Variants in BIN1 observed in about 807,000 individuals in gnomAD.
The protein encoded by BIN1 is bridging integrator 1, also known as myc box-dependent-interacting protein 1.
A neutral mutation model predicts 82.0 loss-of-function variants in BIN1; 53 were observed. The ratio of observed to expected loss-of-function variants is 0.65; its 90% CI spans 0.52 to 0.81. The LOEUF (loss-of-function observed/expected upper bound fraction) is 0.81. BIN1 is among the 40% of genes least tolerant of loss of function. BIN1 has a pLI of 0.00. For synonymous variants in BIN1, 302 were observed against 328.0 expected (o/e 0.92, Z 0.86); for missense variants, 642 against 784.4 (o/e 0.82, Z 2.17).
rs893107662 is a variant in BIN1 at position 127,086,814 on chromosome 2, G to A, written c.85-10108C>T. Among the ~76,000 whole-genome samples the A allele has an allele frequency of 4.0e-5, 6 of 149,254 alleles. No homozygotes were observed. The South Asian group carries it at 6.5e-4, about 16-fold the overall frequency. On this transcript the variant is annotated intron_variant, in intron 1 of 18. Coordinates refer to ENST00000316724, the MANE Select transcript of BIN1 (RefSeq NM_139343.3). ...AGCCACCGCGTCCAGACAGTGATCCGTCTTTTTAACAAGTCCATGACCCCC... is the reference window on the plus strand; with the variant it reads ...AGCCACCGCGTCCAGACAGTGATCCATCTTTTTAACAAGTCCATGACCCCC...
At chr2:127,081,170 C>A (rs535084620) in intron 1 of BIN1, among the ~76,000 whole-genome samples, 1 of 152,212 alleles carries the variant, frequency 6.6e-6, no homozygotes, top group Non-Finnish European at 1.5e-5. Context: ...GCACGGCCAC[C>A]GAACCCAGAA....
intron 15 of BIN1, 95 bp from the exon 16 acceptor site, chr2:127,051,338 G>T: frequency 7.9e-7 from 1 of 1,271,246 alleles, no homozygotes. Context: ...CAAGCGACAG[G>T]GCCGGGGGCA....
At chr2:127,073,088 C>A (rs968567930) in intron 2 of BIN1, among the ~76,000 whole-genome samples, 1 of 152,208 alleles carries the variant, frequency 6.6e-6, no homozygotes, top group Non-Finnish European at 1.5e-5. Context: ...TCAGGCCGTA[C>A]CAGGGCTCCT....
intron 1 of BIN1, among the ~76,000 whole-genome samples, chr2:127,105,136 GC>G (rs1416817177): frequency 2.6e-5 from 4 of 152,174 alleles, no homozygotes; most frequent in Admixed American, 2.6e-4. Context: ...CTTGCCTACT[GC>G]CCCGAGAATG....
chr2:127,079,062 G>A (rs2105168277), intron 1 of BIN1, among the ~76,000 whole-genome samples: 1 of 152,316 alleles, frequency 6.6e-6, no homozygotes, highest in African/African-American at 2.4e-5. Context: ...GCCAGCAAAA[G>A]GTCCCCAGTC....
intron 1 of BIN1, among the ~76,000 whole-genome samples, chr2:127,099,252 G>A (rs563803494): frequency 6.6e-6 from 1 of 152,280 alleles, no homozygotes; most frequent in East Asian, 1.9e-4. Flanking sequence ...ATGCCTTGGT[G>A]ACCACAGGGA....
At chr2:127,106,767 G>A (rs1244421022) in intron 1 of BIN1, 93 bp downstream of exon 1, 55 of 1,455,868 alleles carry the variant, frequency 3.8e-5, no homozygotes, top group Non-Finnish European at 4.9e-5. Flanking sequence ...CCTGGCGAAG[G>A]ACCAGGCCCC....
At chr2:127,084,302 G>T (rs1008185683) in intron 1 of BIN1, among the ~76,000 whole-genome samples, 1 of 152,182 alleles carries the variant, frequency 6.6e-6, no homozygotes, top group South Asian at 2.1e-4. Context: ...CCACAAACAC[G>T]AGCCTCCCCT....
intron 1 of BIN1, among the ~76,000 whole-genome samples, chr2:127,104,938 G>A (rs996014560): frequency 3.3e-5 from 5 of 152,194 alleles, no homozygotes; most frequent in Admixed American, 6.5e-5. Context: ...GAGAGCAGCT[G>A]GAACACTAAA....
intron 1 of BIN1, among the ~76,000 whole-genome samples, chr2:127,103,053 G>T (rs1359995158): frequency 6.6e-6 from 1 of 152,194 alleles, no homozygotes; most frequent in Non-Finnish European, 1.5e-5. Context: ...GCCTGGGAAG[G>T]GGGCGGGACC....
At position 127,050,467 on chromosome 2, in the gene BIN1, G is replaced by T; in HGVS notation, c.1628C>A (p.Ala543Asp). 6.2e-7 allele frequency: 1 copy of T among 1,614,240 alleles called. No individual in the cohort carries two copies. Among genetic ancestry groups the T allele is most frequent in the South Asian group, 1.1e-5 (1 of 91,086 alleles). The change falls in exon 18 of 19, where the codon GCT becomes GAT. Residue 543 changes from alanine to aspartate, a missense_variant. Ala to Asp is a moderately radical substitution (Grantham distance 126). Transcript: ENST00000316724. ...ATDTDELQLK[A>D]GDVVLVIPFQ... ...GGGGATCACCAGCACCACATCACCAGCCTTGAGCTGCAGCTCGTCTGTGTC... is the reference window on the plus strand; with the variant it reads ...GGGGATCACCAGCACCACATCACCATCCTTGAGCTGCAGCTCGTCTGTGTC...
At position 127,049,634 on chromosome 2, in the gene BIN1, CAG is replaced by C. The variant is rs534946541; in HGVS notation, c.1674+785_1674+786del. On this transcript the variant is annotated intron_variant, in intron 18 of 18. Transcript: ENST00000316724. Reference sequence around the variant, plus strand: ...CCCTCTGTGCACAGCCCGAGGTGCTCAGGGGCTGAGCCGTGGAGGAAGCCAGA... The same window carrying C: ...CCCTCTGTGCACAGCCCGAGGTGCTCGGGCTGAGCCGTGGAGGAAGCCAGA... Among the ~76,000 whole-genome samples, 80 of 152,334 alleles carry C rather than the reference CAG, an allele frequency of 5.3e-4. No individual in the cohort carries two copies. The South Asian group carries it at 0.016, about 30-fold the overall frequency.
chr2:127,092,194 G>A (rs993862139), intron 1 of BIN1, among the ~76,000 whole-genome samples: 13 of 152,176 alleles, frequency 8.5e-5, no homozygotes, highest in Non-Finnish European at 1.8e-4. Context: ...GGGGCTCCGG[G>A]CTTCCTCCCC....
intron 12 of BIN1, chr2:127,054,363 A>G: frequency 8.7e-6 from 3 of 344,168 alleles, no homozygotes; most frequent in South Asian, 5.3e-5. Flanking sequence ...GCCACCATCC[A>G]CAGACTGGTG....
In BIN1 at chr2:127,057,456, C is replaced by A. The variant is rs758993776; in HGVS notation, c.1131+17G>T. ...GCAGGAAGAGAGGAGAGCTGGGCCG[C>A]GGCGGCCGCGGCTGACCTGGGAGGG... On this transcript the variant is annotated intron_variant, in intron 12 of 18. Transcript: ENST00000316724. This position sits in a 1 kb window ranked among gnomAD's most constrained non-coding sequence, Gnocchi z 5.0. The A allele has an allele frequency of 6.5e-7, 1 of 1,541,498 alleles. No homozygotes were observed. Among genetic ancestry groups the A allele is most frequent in the South Asian group, 1.2e-5 (1 of 82,852 alleles).
In BIN1 at chr2:127,067,250, G is replaced by C. The variant is rs989955628; in HGVS notation, c.612+913C>G. Among the ~76,000 whole-genome samples, 4 of 152,090 alleles carry C rather than the reference G, an allele frequency of 2.6e-5. No homozygotes were observed. The highest frequency in any genetic ancestry group is 7.2e-5 in the African/African-American group (3 of 41,406). On this transcript the variant is annotated intron_variant, in intron 7 of 18. Transcript: ENST00000316724. The surrounding 1 kb of genome is among the most constrained non-coding windows in gnomAD (Gnocchi z 4.7). ...GCCGGGCCCCTATCGCCAGCCTCTC[G>C]GGAATATGGAGAAGTGTGAGGGCCA...
chr2:127,060,501 G>A, intron 10 of BIN1: 2 of 1,562,918 alleles, frequency 1.3e-6, no homozygotes, highest in South Asian at 1.1e-5. Context: ...CCAGATTACG[G>A]GTTAGTGGCA....
intron 2 of BIN1, among the ~76,000 whole-genome samples, chr2:127,072,634 A>G (rs1321424491): frequency 2.0e-5 from 3 of 147,542 alleles, no homozygotes; most frequent in South Asian, 4.3e-4. Context: ...AAAAAAAAAA[A>G]TCTCTAAAAT....
intron 9 of BIN1, 152 bp from the exon 10 acceptor site, chr2:127,062,349 C>A: frequency 1.3e-6 from 1 of 789,030 alleles, no homozygotes; most frequent in Admixed American, 2.4e-5. Context: ...ACTAGCACAC[C>A]AAACCCCGAA....
Sources: allele counts gnomAD v4.1 joint callset (sites outside exome capture counted in the v4.1 genomes callset), GRCh38; gene constraint gnomAD v4.1.1; non-coding constraint Gnocchi (gnomAD v3.1); transcripts MANE v1.5; gene names NCBI Gene and HGNC (gene_info 2026-07-23, HGNC 2026-07-21).